The following VPS41 variants were observed in gnomAD, a reference collection of about 807,000 sequenced individuals.
The protein encoded by VPS41 is vacuolar protein sorting-associated protein 41 homolog.
VPS41 carries 85 observed loss-of-function variants against 130.9 expected under a neutral mutation model. The ratio of observed to expected loss-of-function variants is 0.65; its 90% confidence interval spans 0.55 to 0.78. The LOEUF is 0.78. Among genes scored for constraint, VPS41 ranks in the 30% least tolerant of loss-of-function variants. The pLI is 0.00. For synonymous variants in VPS41, 335 were observed against 332.9 expected (o/e 1.01, Z -0.07); for missense variants, 874 against 1,018.7 (o/e 0.86, Z 1.93).
At chr7:38,889,968 T>C (rs1455230318) in intron 2 of VPS41, among the ~76,000 whole-genome samples, 1 of 152,208 alleles carries the variant, frequency 6.6e-6, no homozygotes, top group African/African-American at 2.4e-5. Flanking sequence ...TACACTTCAC[T>C]AGAAGTGGCA....
intron 7 of VPS41, among the ~76,000 whole-genome samples, chr7:38,807,035 G>A (rs1784852013): frequency 2.6e-5 from 4 of 152,136 alleles, no homozygotes; most frequent in Admixed American, 2.0e-4. Context: ...TCCCACTTTG[G>A]CTAAAATGAC....
intron 28 of VPS41, 38 bp downstream of exon 28, chr7:38,726,871 T>C (rs971404271): frequency 2.7e-6 from 4 of 1,466,526 alleles, no homozygotes; most frequent in Middle Eastern, 1.8e-4. Context: ...AGTGTGTTAA[T>C]TTCCCTCTAG....
At chr7:38,799,440 T>C (rs1784683394) in intron 7 of VPS41, among the ~76,000 whole-genome samples, 1 of 152,058 alleles carries the variant, frequency 6.6e-6, no homozygotes, top group Non-Finnish European at 1.5e-5. Context: ...ACCTAAACTT[T>C]ATGGGATACA....
At chr7:38,739,149 T>G (rs1229811639) in intron 25 of VPS41, among the ~76,000 whole-genome samples, 1 of 152,206 alleles carries the variant, frequency 6.6e-6, no homozygotes, top group Non-Finnish European at 1.5e-5. Context: ...GAAAAGGTGC[T>G]GAGAAGCCCT....
intron 4 of VPS41, among the ~76,000 whole-genome samples, chr7:38,851,029 C>T (rs1785842803): frequency 6.6e-6 from 1 of 152,160 alleles, no homozygotes; most frequent in Non-Finnish European, 1.5e-5. Flanking sequence ...GTGATTTCAC[C>T]TCATAGAACT....
chr7:38,857,015 A>G (rs1474018229), intron 4 of VPS41, among the ~76,000 whole-genome samples: 3 of 152,240 alleles, frequency 2.0e-5, no homozygotes, highest in Non-Finnish European at 4.4e-5. Flanking sequence ...GGGAAGTAAC[A>G]AAGAACTGTG....
chr7:38,733,292 GT>G, intron 25 of VPS41, among the ~76,000 whole-genome samples: 1 of 152,134 alleles, frequency 6.6e-6, no homozygotes. Flanking sequence ...CTAGAAAATT[GT>G]ACAGTTCTTC....
At chr7:38,819,869 T>C (rs892572631) in intron 6 of VPS41, among the ~76,000 whole-genome samples, 12 of 152,298 alleles carry the variant, frequency 7.9e-5, no homozygotes, top group African/African-American at 2.4e-4. Flanking sequence ...TCTTTAAAAA[T>C]AGCTTCACCT....
intron 10 of VPS41, among the ~76,000 whole-genome samples, chr7:38,787,551 A>T (rs1424169654): frequency 6.6e-6 from 1 of 152,222 alleles, no homozygotes; most frequent in Non-Finnish European, 1.5e-5. Flanking sequence ...CATTTAACAG[A>T]ATAAATCAAC....
chr7:38,795,203 A>C (rs1314982264), intron 9 of VPS41, among the ~76,000 whole-genome samples: 1 of 152,236 alleles, frequency 6.6e-6, no homozygotes, highest in Non-Finnish European at 1.5e-5. Flanking sequence ...GGGATGTGAG[A>C]AATTAAAAGA....
At chr7:38,839,023 T>C (rs1426043434) in intron 4 of VPS41, among the ~76,000 whole-genome samples, 3 of 152,192 alleles carry the variant, frequency 2.0e-5, no homozygotes, top group Non-Finnish European at 2.9e-5. Context: ...CCTTCAAAAA[T>C]GCTGCATCCC....
chr7:38,741,887 A>C (rs1584367574), intron 25 of VPS41, 98 bp downstream of exon 25: 3 of 1,418,060 alleles, frequency 2.1e-6, no homozygotes, highest in African/African-American at 2.9e-5. Context: ...CATAAAATCG[A>C]AAGTTTTTAA....
intron 4 of VPS41, among the ~76,000 whole-genome samples, chr7:38,860,851 G>A (rs541091779): frequency 2.6e-5 from 4 of 151,952 alleles, no homozygotes; most frequent in East Asian, 3.9e-4. Flanking sequence ...CAATGATCAC[G>A]AAAAAGCCAT....
At chr7:38,864,712 A>C (rs904893293) in intron 3 of VPS41, among the ~76,000 whole-genome samples, 1 of 151,686 alleles carries the variant, frequency 6.6e-6, no homozygotes, top group Admixed American at 6.6e-5. Context: ...AATTTTACCC[A>C]CCTTCCAGCC....
chr7:38,752,072 A>C lies in VPS41; in HGVS notation c.1926+104T>G, dbSNP rs961249587. 8.0e-6 allele frequency: 12 copies of C among 1,491,910 alleles called. No individual in the cohort carries two copies. The African/African-American group carries it at 1.7e-4, about 21-fold the overall frequency. 92.4% of individuals were successfully genotyped at this position (1,491,910 alleles called of 1,614,324 possible). A position where few individuals can be genotyped will look rare whatever the true frequency, so the allele number is the denominator to read the frequency against. Reference sequence around the variant, plus strand: ...TGAGAGCAACAGTCTTCCCCCTGGAAAGGGACAGATGAACAGAGATAGAAA... The same window carrying C: ...TGAGAGCAACAGTCTTCCCCCTGGACAGGGACAGATGAACAGAGATAGAAA... On this transcript the variant is annotated intron_variant, in intron 22 of 28. Transcript: ENST00000310301.
chr7:38,866,293 A>G (rs1477029949), intron 3 of VPS41, among the ~76,000 whole-genome samples: 1 of 152,242 alleles, frequency 6.6e-6, no homozygotes, highest in Non-Finnish European at 1.5e-5. Flanking sequence ...GAGTTTTAAT[A>G]TCTGTATTTT....
chr7:38,882,899 T>C (rs1786644064), intron 2 of VPS41, among the ~76,000 whole-genome samples: 1 of 152,060 alleles, frequency 6.6e-6, no homozygotes, highest in East Asian at 1.9e-4. Context: ...GCATCCAGAG[T>C]GATCCTACTA....
chr7:38,862,709 G>T, intron 3 of VPS41, 87 bp from the exon 4 acceptor site: 1 of 769,638 alleles, frequency 1.3e-6, no homozygotes, highest in Non-Finnish European at 2.2e-6. Context: ...AAGACAAGAT[G>T]CTTAATGCAT....
At chr7:38,809,844 T>C (rs763052403) in intron 7 of VPS41, among the ~76,000 whole-genome samples, 26 of 152,140 alleles carry the variant, frequency 1.7e-4, no homozygotes, top group Non-Finnish European at 3.1e-4. Context: ...CCAGTTATTA[T>C]AAAGTGTATT....
Sources: gnomAD v4.1 joint callset for allele counts (sites outside exome capture counted in the v4.1 genomes callset) on GRCh38, gnomAD v4.1.1 for gene constraint, MANE v1.5 for transcripts, NCBI Gene and HGNC (gene_info 2026-07-23, HGNC 2026-07-21) for gene names.